The following SUPT20H variants were observed in gnomAD, a reference collection of about 807,000 sequenced individuals.
The protein encoded by SUPT20H is transcription factor SPT20 homolog.
A neutral mutation model predicts 122.8 loss-of-function variants in SUPT20H; 82 were observed. The observed-to-expected ratio is 0.67, with a 90% confidence interval of 0.56 to 0.80. The LOEUF (loss-of-function observed/expected upper bound fraction) is 0.80, where lower values mean the gene tolerates loss of function less well. Ranked by LOEUF, SUPT20H falls within the 30% of genes least tolerant of loss-of-function variation. The pLI is 0.00. For synonymous variants in SUPT20H, 291 were observed against 313.0 expected (o/e 0.93, Z 0.74); for missense variants, 831 against 921.6 (o/e 0.90, Z 1.27).
At chr13:37,033,428 C>G (rs369332375) in intron 10 of SUPT20H, 21 bp downstream of exon 10, 2 of 1,605,954 alleles carry the variant, frequency 1.2e-6, no homozygotes, top group African/African-American at 2.7e-5. Flanking sequence ...TTTTGGTTCA[C>G]CCTTCCACAA....
chr13:37,024,709 GT>G (rs1229134597), intron 17 of SUPT20H: 2 of 227,680 alleles, frequency 8.8e-6, no homozygotes, highest in Non-Finnish European at 1.7e-5. Flanking sequence ...GGAAGAGAGA[GT>G]TTTAGGGAGA....
At chr13:37,019,952 AT>A (rs1417201544) in intron 21 of SUPT20H, among the ~76,000 whole-genome samples, 1 of 152,230 alleles carries the variant, frequency 6.6e-6, no homozygotes, top group Admixed American at 6.5e-5. Context: ...AATCTGTTAC[AT>A]TAACACAGAG....
rs2061453753 is a variant in SUPT20H, at chr13:37,021,487, T to C, written c.1777A>G (p.Asn593Asp). Reference protein sequence around the residue: ...GLLPSGGLLPNALPSAMQAAS... With the variant: ...GLLPSGGLLPDALPSAMQAAS... ...GCCTGCATTGCACTGGGCAGTGCAT[T>C]TGGTAGCAGACCTCCTGAGGGTAGA... is the stretch of plus-strand genomic sequence containing the variant. Residue 593 changes from asparagine (N) to aspartate (D), a missense_variant, in exon 21 of 26, where the codon AAT becomes GAT. Asn to Asp is a conservative substitution (Grantham distance 23). Transcript: ENST00000350612. 9 of 1,613,880 alleles carry C rather than the reference T, an allele frequency of 5.6e-6. No individual in the cohort carries two copies. Among genetic ancestry groups the C allele is most frequent in the South Asian group, 1.1e-5 (1 of 91,086 alleles).
At chr13:37,012,527 C>T (rs1256373187) in intron 23 of SUPT20H, 1 of 338,742 alleles carries the variant, frequency 3.0e-6, no homozygotes, top group African/African-American at 2.1e-5. Context: ...TTGTTTAATG[C>T]TACCTAGATA....
chr13:37,033,706 T>C (rs772477354), intron 9 of SUPT20H, 118 bp from the exon 10 acceptor site: 27 of 1,128,194 alleles, frequency 2.4e-5, no homozygotes, highest in Admixed American at 3.0e-5. Context: ...CAGTAAAATA[T>C]GGTATTTCAA....
intron 24 of SUPT20H, among the ~76,000 whole-genome samples, chr13:37,011,920 C>G (rs543138916): frequency 6.6e-6 from 1 of 152,170 alleles, no homozygotes; most frequent in East Asian, 1.9e-4. Context: ...GAAAACAGCT[C>G]TGGTAACCTA....
intron 9 of SUPT20H, chr13:37,038,126 T>G (rs1370402933): frequency 1.3e-5 from 2 of 152,130 alleles, no homozygotes; most frequent in African/African-American, 4.8e-5. Context: ...ACACAATAAT[T>G]GACTGTCTCA....
chr13:37,017,307 G>T lies in SUPT20H; in HGVS notation c.1930C>A (p.Gln644Lys). ...TGCTGAGGTTGTTGTGGTGTAAACT[G>T]GGAGAGCTGCTGTTGCTGCTGCTGC... is the stretch of plus-strand genomic sequence containing the variant. Reference protein sequence around the residue: ...TLQQQQQQLSQFTPQQPQQPT... With the variant: ...TLQQQQQQLSKFTPQQPQQPT... The change falls in exon 23 of 26, where the codon CAG becomes AAG. Residue 644 changes from glutamine (Q) to lysine (K), a missense_variant. Physicochemically the swap from Gln to Lys is moderately conservative, Grantham distance 53 (BLOSUM62 1). Transcript: ENST00000350612. 6.2e-7 allele frequency: 1 copy of T among 1,614,090 alleles called. No homozygotes were observed.
chr13:37,010,907 TCTC>T (rs2059500660), intron 24 of SUPT20H: 3 of 319,638 alleles, frequency 9.4e-6, no homozygotes, highest in South Asian at 7.8e-5. Context: ...GAACCTCTCT[TCTC>T]TTGCATCTGT....
intron 1 of SUPT20H, among the ~76,000 whole-genome samples, chr13:37,052,628 A>G (rs934588892): frequency 2.6e-4 from 40 of 152,350 alleles, no homozygotes; most frequent in African/African-American, 8.2e-4. Context: ...ATGGGCAAAG[A>G]CTTCATGACT....
chr13:37,035,637 C>G (rs2064226997), intron 9 of SUPT20H, among the ~76,000 whole-genome samples: 1 of 151,898 alleles, frequency 6.6e-6, no homozygotes, highest in South Asian at 2.1e-4. Flanking sequence ...TCTTGAATTG[C>G]TACTCGGCCT....
chr13:37,024,860 A>G (rs1042707997), intron 17 of SUPT20H: 2 of 166,862 alleles, frequency 1.2e-5, no homozygotes, highest in African/African-American at 4.8e-5. Flanking sequence ...ACATTTAAAA[A>G]TCATGTTATA....
chr13:37,019,539 T>TA, intron 21 of SUPT20H, 142 bp from the exon 22 acceptor site: 1 of 492,494 alleles, frequency 2.0e-6, no homozygotes, highest in East Asian at 3.6e-5. Flanking sequence ...AAAAATATCT[T>TA]AAAAACAAAA....
At chr13:37,012,383 G>A in intron 23 of SUPT20H, 86 bp from the exon 24 acceptor site, 1 of 1,064,042 alleles carries the variant, frequency 9.4e-7, no homozygotes, top group South Asian at 1.4e-5. Context: ...TTTCCTATAT[G>A]AAAGAAAGCA....
chr13:37,031,266 T>TA lies in SUPT20H; in HGVS notation c.921+300dup, dbSNP rs567329863. Among the ~76,000 whole-genome samples the TA allele has an allele frequency of 5.1e-3, 773 of 152,238 alleles. 6 individuals carry two copies. Among genetic ancestry groups the TA allele is most frequent in the African/African-American group, 0.018 (737 of 41,548 alleles). ...AAAAGAGAGATTTCACGTGATTATG[T>TA]AATATACACTGTATTTTTCCAATTT... is the stretch of plus-strand genomic sequence containing the variant. On this transcript the variant is annotated intron_variant, in intron 12 of 25. Coordinates refer to ENST00000350612, the MANE Select transcript of SUPT20H (RefSeq NM_001014286.3).
chr13:37,021,964 G>T (rs544211321), intron 20 of SUPT20H, 47 bp downstream of exon 20: 7 of 1,509,798 alleles, frequency 4.6e-6, no homozygotes, highest in Non-Finnish European at 6.2e-6. Context: ...TTAGATTGGT[G>T]AAACTATCTT....
chr13:37,056,580 A>C (rs1416261889), intron 1 of SUPT20H, among the ~76,000 whole-genome samples: 1 of 151,974 alleles, frequency 6.6e-6, no homozygotes, highest in East Asian at 1.9e-4. Flanking sequence ...ACTCATGGAC[A>C]CAGGAAGGGG....
intron 7 of SUPT20H, among the ~76,000 whole-genome samples, chr13:37,042,474 G>A (rs2138715328): frequency 6.6e-6 from 1 of 152,160 alleles, no homozygotes; most frequent in Non-Finnish European, 1.5e-5. Context: ...AAACACACAT[G>A]TTTATGGATG....
chr13:37,033,168 T>C (rs866985084), intron 10 of SUPT20H, among the ~76,000 whole-genome samples: 19 of 150,972 alleles, frequency 1.3e-4, no homozygotes, highest in Admixed American at 2.6e-4. Context: ...TAAAAATATA[T>C]AATATGAGAC....
Sources: gnomAD v4.1 joint callset for allele counts (sites outside exome capture counted in the v4.1 genomes callset) on GRCh38, gnomAD v4.1.1 for gene constraint, MANE v1.5 for transcripts, NCBI Gene and HGNC (gene_info 2026-07-23, HGNC 2026-07-21) for gene names.